RASSF4: variants seen among roughly 807,000 people sequenced by gnomAD.
RASSF4 encodes the protein Ras association domain family member 4, also known as ras association domain-containing protein 4.
Under a neutral mutation model 41.1 loss-of-function variants are expected in RASSF4, and 38 were observed. The ratio of observed to expected loss-of-function variants is 0.92; its 90% CI spans 0.71 to 1.21. RASSF4 has a LOEUF of 1.21. Among genes scored for constraint, RASSF4 ranks in the 50% most tolerant of loss-of-function variants. The pLI, the probability that RASSF4 is intolerant of heterozygous loss-of-function variation, is 0.00. For missense variants in RASSF4, 414 were observed against 419.4 expected, an observed-to-expected ratio of 0.99 and a Z score of 0.11; for synonymous variants, 179 against 163.4, an observed-to-expected ratio of 1.10 and a Z score of -0.73.
chr10:44,979,880 G>A (rs567165675), intron 3 of RASSF4, among the ~76,000 whole-genome samples: 1 of 152,058 alleles, frequency 6.6e-6, no homozygotes, highest in African/African-American at 2.4e-5. Flanking sequence ...GGCTGGGGCT[G>A]GGGGGCTGCC....
At chr10:44,982,403 G>T in intron 3 of RASSF4, 118 bp from the exon 4 acceptor site, 2 of 1,267,118 alleles carry the variant, frequency 1.6e-6, no homozygotes, top group East Asian at 2.4e-5. Context: ...TGAGGGGATG[G>T]GGCCACTCAG....
intron 6 of RASSF4, among the ~76,000 whole-genome samples, chr10:44,985,705 G>A (rs1432382020): frequency 1.3e-5 from 2 of 152,172 alleles, no homozygotes; most frequent in Non-Finnish European, 2.9e-5. Flanking sequence ...GAAGGAGCAG[G>A]TGTCCCAGGT....
intron 1 of RASSF4, among the ~76,000 whole-genome samples, chr10:44,964,185 T>A (rs10900148): frequency 0.37 from 55,796 of 152,270 alleles, 11,850 homozygotes; most frequent in Non-Finnish European, 0.47. Flanking sequence ...GCAGAGCAGC[T>A]GCTGAAGTGG....
chr10:44,985,787 G>T (rs1349098032), intron 6 of RASSF4, among the ~76,000 whole-genome samples: 1 of 152,204 alleles, frequency 6.6e-6, no homozygotes, highest in Non-Finnish European at 1.5e-5. Context: ...TTGGAATTCT[G>T]CTGGGCAAGC....
intron 2 of RASSF4, 168 bp from the exon 3 acceptor site, chr10:44,971,605 C>T (rs1353369043): frequency 7.0e-6 from 5 of 711,250 alleles, no homozygotes; most frequent in African/African-American, 5.2e-5. Flanking sequence ...CAGAACCATC[C>T]GGGTGCATTG....
At chr10:44,978,363 A>T (rs1841544523) in intron 3 of RASSF4, 1 of 267,882 alleles carries the variant, frequency 3.7e-6, no homozygotes, top group South Asian at 7.7e-5. Flanking sequence ...TGACCATGGG[A>T]CCTTTGGCAA....
intron 3 of RASSF4, chr10:44,978,636 G>A (rs981941410): frequency 2.6e-5 from 4 of 152,396 alleles, no homozygotes; most frequent in African/African-American, 9.7e-5. Context: ...GAGGAGGTCT[G>A]GGGGTGGCAG....
intron 1 of RASSF4, among the ~76,000 whole-genome samples, chr10:44,967,821 T>G (rs1390428296): frequency 6.6e-6 from 1 of 152,060 alleles, no homozygotes; most frequent in Non-Finnish European, 1.5e-5. Context: ...AAACAAGAGC[T>G]GGGTTCTGCA....
chr10:44,971,807 T>A lies in RASSF4; in HGVS notation c.97T>A (p.Cys33Ser), dbSNP rs1366143234. ...CTTAGGCCTGCTGAAAACCTACAAC[T>A]GCTACCATGAGGGCAAGAGCTTCCA... ...ELLGLLKTYN[C>S]YHEGKSFQLR... Residue 33 changes from cysteine (C) to serine (S), a missense_variant, in exon 3 of 11, where the codon TGC (cysteine) becomes AGC (serine). Physicochemically the swap from Cys to Ser is moderately radical, Grantham distance 112. Transcript: ENST00000340258. 1 of 1,613,606 alleles carries A rather than the reference T, an allele frequency of 6.2e-7. No homozygotes were observed. The highest frequency in any genetic ancestry group is 1.7e-5 in the Admixed American group (1 of 59,976).
Position 44,995,877 on chromosome 10 carries a change from C to A in RASSF4, c.*2548C>A, listed in dbSNP as rs1039072244. ...TAGTGTCTCAGGTAATAAACGTATC[C>A]GAAGATAAAGCAAAGATTGCTATGG... On this transcript the variant is annotated 3_prime_UTR_variant, in exon 11 of 11. Coordinates refer to ENST00000340258, the MANE Select transcript of RASSF4 (RefSeq NM_032023.4). 2 of 151,940 alleles carry A rather than the reference C, an allele frequency of 1.3e-5. No individual in the cohort carries two copies. The highest frequency in any genetic ancestry group is 4.8e-5 in the African/African-American group (2 of 41,338). The allele number at this position is 151,940 out of a possible 1,614,324, so 9.4% of individuals were successfully genotyped here.
chr10:44,987,626 C>CT (rs34115822), intron 6 of RASSF4, among the ~76,000 whole-genome samples: 33,268 of 128,108 alleles, frequency 0.26, 4,581 homozygotes, highest in Middle Eastern at 0.36. Context: ...AAAATGTGCA[C>CT]TTTTTTTTTT....
At chr10:44,962,438 G>A (rs928043659) in intron 1 of RASSF4, among the ~76,000 whole-genome samples, 7 of 152,216 alleles carry the variant, frequency 4.6e-5, no homozygotes, top group African/African-American at 1.7e-4. Context: ...GCTTTCAAGA[G>A]ACTCCAAAGG....
At chr10:44,989,844 T>G in intron 8 of RASSF4, 123 bp downstream of exon 8, 1 of 856,740 alleles carries the variant, frequency 1.2e-6, no homozygotes, top group African/African-American at 1.7e-5. Context: ...GCTTGCCTAG[T>G]GGGCTAGGGC....
chr10:44,970,190 A>G lies in RASSF4; in HGVS notation c.-13A>G. 6.2e-7 allele frequency: 1 copy of G among 1,612,330 alleles called. No homozygotes were observed. Among genetic ancestry groups the G allele is most frequent in the Non-Finnish European group, 8.5e-7 (1 of 1,178,336 alleles). ...CAAGTAACTTCTAGGTCTGCAGACAAGAGGAAGAGAAGATGAAGGAAGACT... is the reference window on the plus strand; with the variant it reads ...CAAGTAACTTCTAGGTCTGCAGACAGGAGGAAGAGAAGATGAAGGAAGACT... On this transcript the variant is annotated 5_prime_UTR_variant, in exon 2 of 11. Transcript: ENST00000340258.
In RASSF4 at chr10:44,994,865, C is replaced by T. The variant is rs1041376760; in HGVS notation, c.*1536C>T. ...CGCTGCTCTAGGAGCCGACATGACT[C>T]CTTCATTTCTGTGCATGCCCTGGGG... On this transcript the variant is annotated 3_prime_UTR_variant, in exon 11 of 11. Coordinates refer to ENST00000340258, the MANE Select transcript of RASSF4 (RefSeq NM_032023.4). The T allele has an allele frequency of 3.9e-5, 6 of 152,078 alleles. No homozygotes were observed. Among genetic ancestry groups the T allele is most frequent in the African/African-American group, 1.2e-4 (5 of 41,372 alleles). 9.4% of individuals were successfully genotyped at this position (152,078 alleles called of 1,614,324 possible). A position where few individuals can be genotyped will look rare whatever the true frequency, so the allele number is the denominator to read the frequency against.
chr10:44,964,223 A>C (rs1310003842), intron 1 of RASSF4, among the ~76,000 whole-genome samples: 2 of 152,254 alleles, frequency 1.3e-5, no homozygotes, highest in Non-Finnish European at 2.9e-5. Context: ...CTGCTTGTTC[A>C]CTGGGACAGG....
At chr10:44,961,535 C>T (rs1376253085) in intron 1 of RASSF4, among the ~76,000 whole-genome samples, 1 of 152,264 alleles carries the variant, frequency 6.6e-6, no homozygotes, top group Non-Finnish European at 1.5e-5. Context: ...TCATTCATGG[C>T]CACTCCTGCA....
intron 3 of RASSF4, among the ~76,000 whole-genome samples, 190 bp downstream of exon 3, chr10:44,972,038 C>T (rs1200970834): frequency 2.0e-5 from 3 of 152,190 alleles, no homozygotes; most frequent in Non-Finnish European, 2.9e-5. Context: ...TTACCAGCAG[C>T]CAGGTCATCT....
chr10:44,986,169 G>A (rs1223337471), intron 6 of RASSF4, among the ~76,000 whole-genome samples: 1 of 152,144 alleles, frequency 6.6e-6, no homozygotes, highest in Non-Finnish European at 1.5e-5. Flanking sequence ...CCAGTTCTAT[G>A]TTCCTTACCA....
Sources: allele counts gnomAD v4.1 joint callset (sites outside exome capture counted in the v4.1 genomes callset), GRCh38; gene constraint gnomAD v4.1.1; transcripts MANE v1.5; gene names NCBI Gene and HGNC (gene_info 2026-07-23, HGNC 2026-07-21).